ZFP91: variants seen among roughly 807,000 people sequenced by gnomAD.
The protein encoded by ZFP91 is ZFP91 zinc finger protein, atypical E3 ubiquitin ligase, also known as E3 ubiquitin-protein ligase ZFP91.
Under a neutral mutation model 63.5 loss-of-function variants are expected in ZFP91, and 7 were observed. The ratio of observed to expected loss-of-function variants is 0.11; its 90% CI spans 0.06 to 0.21. The LOEUF is 0.21. ZFP91 is among the 10% of genes least tolerant of loss of function. ZFP91 has a pLI of 1.00. For missense variants in ZFP91, 628 were observed against 736.6 expected (o/e 0.85, Z 1.71); for synonymous variants, 330 against 272.1 (o/e 1.21, Z -2.10).
chr11:58,583,430 C>T (rs1457292144), intron 1 of ZFP91, among the ~76,000 whole-genome samples: 4 of 151,870 alleles, frequency 2.6e-5, no homozygotes, highest in Non-Finnish European at 5.9e-5. Flanking sequence ...CAGTAATAAA[C>T]CTTTAGGTGA....
At chr11:58,614,104 C>G (rs985861190) in intron 8 of ZFP91, 125 bp from the exon 9 acceptor site, 1 of 534,086 alleles carries the variant, frequency 1.9e-6, no homozygotes, top group African/African-American at 1.9e-5. Flanking sequence ...ATTATACTCC[C>G]TCACTATCCA....
At chr11:58,610,250 T>C (rs1470057445) in intron 3 of ZFP91, 48 bp from the exon 4 acceptor site, 7 of 1,562,840 alleles carry the variant, frequency 4.5e-6, no homozygotes, top group South Asian at 2.4e-5. Context: ...AGAGAAAATA[T>C]CTTATATCTA....
At chr11:58,586,204 A>G (rs1021763599) in intron 2 of ZFP91, among the ~76,000 whole-genome samples, 3 of 152,220 alleles carry the variant, frequency 2.0e-5, no homozygotes, top group African/African-American at 7.2e-5. Context: ...ACAAAAAGCA[A>G]CCTGCTTTTG....
At chr11:58,615,155 T>C (rs1390107289) in intron 9 of ZFP91, among the ~76,000 whole-genome samples, 2 of 152,222 alleles carry the variant, frequency 1.3e-5, no homozygotes, top group Non-Finnish European at 2.9e-5. Context: ...ATATCAGTTA[T>C]TGTAGGGATG....
chr11:58,583,831 T>C (rs544845252), intron 1 of ZFP91, among the ~76,000 whole-genome samples: 1 of 152,172 alleles, frequency 6.6e-6, no homozygotes, highest in African/African-American at 2.4e-5. Flanking sequence ...TGTATTACAC[T>C]GTGGCTTCTG....
intron 2 of ZFP91, among the ~76,000 whole-genome samples, chr11:58,592,088 T>A (rs1855317208): frequency 6.7e-6 from 1 of 149,312 alleles, no homozygotes; most frequent in Non-Finnish European, 1.5e-5. Flanking sequence ...TCTTTTTTTT[T>A]TTTTTTTTTT....
At chr11:58,600,502 G>A (rs1855475918) in intron 2 of ZFP91, among the ~76,000 whole-genome samples, 1 of 152,036 alleles carries the variant, frequency 6.6e-6, no homozygotes, top group African/African-American at 2.4e-5. Context: ...TTACGTGTTG[G>A]TATTATATTC....
chr11:58,579,341 G>A lies in ZFP91; in HGVS notation c.60G>A (p.Glu20=), dbSNP rs1056490668. The change falls in exon 1 of 11, where the codon GAG becomes GAA. Residue 20 remains glutamate (E), a synonymous_variant. Coordinates refer to ENST00000316059, the MANE Select transcript of ZFP91 (RefSeq NM_053023.5). ...PPEQQDQEGG[E]AAKAAPEEPQ... is the part of the protein sequence containing the mutation. ...AGCAGCAGGACCAGGAAGGGGGAGAGGCGGCCAAGGCGGCTCCGGAGGAGC... is the reference window on the plus strand; with the variant it reads ...AGCAGCAGGACCAGGAAGGGGGAGAAGCGGCCAAGGCGGCTCCGGAGGAGC... The A allele has an allele frequency of 3.3e-6, 5 of 1,494,276 alleles. No individual in the cohort carries two copies. The highest frequency in any genetic ancestry group is 2.5e-5 in the South Asian group (2 of 79,462). 92.6% of individuals were successfully genotyped at this position (1,494,276 alleles called of 1,614,324 possible).
In ZFP91 at chr11:58,579,472, C is replaced by A; in HGVS notation, c.191C>A (p.Ala64Asp). ...CGAGGCCGGGCCGCTGCGGCCGCCG[C>A]CGCCGCAGCTGTGTCCCGCCGGAGG... Reference protein sequence around the residue: ...RDRGRAAAAAAAAAVSRRRKA... With the variant: ...RDRGRAAAAADAAAVSRRRKA... Residue 64 changes from alanine (A) to aspartate (D), a missense_variant, in exon 1 of 11, where the codon GCC becomes GAC. Physicochemically the swap from Ala to Asp is moderately radical, Grantham distance 126. Transcript: ENST00000316059. 1.4e-6 allele frequency: 2 copies of A among 1,475,744 alleles called. No individual in the cohort carries two copies. The highest frequency in any genetic ancestry group is 2.9e-5 in the East Asian group (1 of 34,910). The allele number at this position is 1,475,744 out of a possible 1,614,324, so 91.4% of individuals were successfully genotyped here.
rs1161224577 is a variant in ZFP91, at chr11:58,616,700, A to C, written c.1103-16A>C. 5 of 1,607,190 alleles carry C rather than the reference A, an allele frequency of 3.1e-6. No individual in the cohort carries two copies. The highest frequency in any genetic ancestry group is 1.7e-6 in the Non-Finnish European group (2 of 1,174,064). Reference sequence around the variant, plus strand: ...GGTATCTAAATAGAACACTAACCACAGTATTTTCTTCATAGATCAAAGGGA... The same window carrying C: ...GGTATCTAAATAGAACACTAACCACCGTATTTTCTTCATAGATCAAAGGGA... On this transcript the variant is annotated splice_polypyrimidine_tract_variant and intron_variant, in intron 9 of 10. Coordinates refer to ENST00000316059, the MANE Select transcript of ZFP91 (RefSeq NM_053023.5).
chr11:58,599,030 T>A (rs1418690968), intron 2 of ZFP91, among the ~76,000 whole-genome samples: 1 of 152,078 alleles, frequency 6.6e-6, no homozygotes, highest in Non-Finnish European at 1.5e-5. Context: ...ATTCTGGATA[T>A]TATATGTAAT....
At chr11:58,598,383 C>A (rs1034216670) in intron 2 of ZFP91, among the ~76,000 whole-genome samples, 1 of 151,984 alleles carries the variant, frequency 6.6e-6, no homozygotes, top group Admixed American at 6.6e-5. Flanking sequence ...CACAAATCTC[C>A]AAAAAATTTT....
intron 2 of ZFP91, among the ~76,000 whole-genome samples, chr11:58,599,525 A>T (rs1468646950): frequency 6.6e-6 from 1 of 151,842 alleles, no homozygotes; most frequent in Non-Finnish European, 1.5e-5. Flanking sequence ...TATTATTTTT[A>T]GTTAGCCATT....
At chr11:58,600,882 C>A (rs1855481223) in intron 2 of ZFP91, among the ~76,000 whole-genome samples, 1 of 152,002 alleles carries the variant, frequency 6.6e-6, no homozygotes. Flanking sequence ...TTGTCAGGTT[C>A]TTTTTCTTTT....
chr11:58,582,271 A>C (rs945831544), intron 1 of ZFP91, among the ~76,000 whole-genome samples: 2 of 152,188 alleles, frequency 1.3e-5, no homozygotes, highest in African/African-American at 4.8e-5. Context: ...TTTAAGACTT[A>C]ATTTTTTCTA....
At chr11:58,613,392 T>C (rs1440288941) in intron 8 of ZFP91, among the ~76,000 whole-genome samples, 1 of 152,130 alleles carries the variant, frequency 6.6e-6, no homozygotes, top group Admixed American at 6.5e-5. Flanking sequence ...CACCTCCCAT[T>C]AGGTCCCGCC....
chr11:58,606,259 G>GT (rs1232502410), intron 2 of ZFP91, among the ~76,000 whole-genome samples: 1 of 152,156 alleles, frequency 6.6e-6, no homozygotes, highest in Non-Finnish European at 1.5e-5. Flanking sequence ...TAGAGACGGG[G>GT]TTTTGCCATG....
chr11:58,618,781 G>C lies in ZFP91; in HGVS notation c.*1075G>C, dbSNP rs182293505. 1.3e-4 allele frequency: 56 copies of C among 436,182 alleles called. No homozygotes were observed. The Admixed American group carries it at 1.3e-3, about 10-fold the overall frequency. 27.0% of individuals were successfully genotyped at this position (436,182 alleles called of 1,614,324 possible). ...CAGCACTAACAAAATCACTACAATA[G>C]CCTAGTGCTTTTTTGGAAGCCTTTT... On this transcript the variant is annotated 3_prime_UTR_variant, in exon 11 of 11. Coordinates refer to ENST00000316059, the MANE Select transcript of ZFP91 (RefSeq NM_053023.5).
intron 5 of ZFP91, chr11:58,611,349 C>T (rs1472287035): frequency 1.0e-5 from 5 of 501,034 alleles, no homozygotes; most frequent in South Asian, 4.5e-5. Context: ...CTAATTGTCT[C>T]GTTTCTCTTT....
Sources: gnomAD v4.1 joint callset for allele counts (sites outside exome capture counted in the v4.1 genomes callset) on GRCh38, gnomAD v4.1.1 for gene constraint, MANE v1.5 for transcripts, NCBI Gene and HGNC (gene_info 2026-07-23, HGNC 2026-07-21) for gene names.